Variants in GRIA2 observed in about 807,000 individuals in gnomAD.
GRIA2 encodes glutamate receptor 2.
GRIA2 carries 14 observed loss-of-function variants against 97.3 expected under a neutral mutation model. The ratio of observed to expected loss-of-function variants is 0.14; its 90% CI spans 0.10 to 0.23. The LOEUF (loss-of-function observed/expected upper bound fraction) is 0.23, where lower values mean the gene tolerates loss of function less well. Among genes scored for constraint, GRIA2 ranks in the 10% least tolerant of loss-of-function variants. The pLI, the probability that GRIA2 is intolerant of heterozygous loss-of-function variation, is 1.00. For synonymous variants in GRIA2, 412 were observed against 387.8 expected (o/e 1.06, Z -0.73); for missense variants, 558 against 1,069.8 (o/e 0.52, Z 6.67).
At chr4:157,318,246 T>C (rs1398829729) in intron 5 of GRIA2, among the ~76,000 whole-genome samples, 1 of 152,196 alleles carries the variant, frequency 6.6e-6, no homozygotes, top group Non-Finnish European at 1.5e-5. Context: ...CTATTTTTTA[T>C]AAACTCTGCC....
At chr4:157,254,173 T>C (rs1326407061) in intron 2 of GRIA2, among the ~76,000 whole-genome samples, 2 of 151,792 alleles carry the variant, frequency 1.3e-5, no homozygotes, top group Non-Finnish European at 2.9e-5. Flanking sequence ...AGGGTGGGAG[T>C]TATATTAATC....
chr4:157,304,889 T>G (rs1733771503), intron 3 of GRIA2, among the ~76,000 whole-genome samples: 1 of 152,114 alleles, frequency 6.6e-6, no homozygotes, highest in Non-Finnish European at 1.5e-5. Context: ...TGTCTGATTC[T>G]CTGCCCTGTC....
intron 2 of GRIA2, among the ~76,000 whole-genome samples, chr4:157,299,404 G>A (rs1360646824): frequency 6.6e-6 from 1 of 152,094 alleles, no homozygotes; most frequent in Non-Finnish European, 1.5e-5. Context: ...CTGCAAAGAG[G>A]TTGTTGCCAT....
chr4:157,250,129 G>A (rs1730957826), intron 2 of GRIA2, among the ~76,000 whole-genome samples: 1 of 151,896 alleles, frequency 6.6e-6, no homozygotes, highest in Non-Finnish European at 1.5e-5. Context: ...CTTTTTTGTT[G>A]ATAGATATTT....
intron 5 of GRIA2, among the ~76,000 whole-genome samples, chr4:157,318,502 T>A (rs1237964600): frequency 6.6e-6 from 1 of 152,194 alleles, no homozygotes; most frequent in African/African-American, 2.4e-5. Context: ...TGGGTTTGTG[T>A]TTTCTCTGGG....
At chr4:157,259,868 A>G (rs1338561822) in intron 2 of GRIA2, among the ~76,000 whole-genome samples, 5 of 152,088 alleles carry the variant, frequency 3.3e-5, no homozygotes, top group African/African-American at 1.2e-4. Flanking sequence ...TATGATACTT[A>G]ACTAGATTAG....
chr4:157,328,557 G>A (rs772272877), intron 6 of GRIA2, among the ~76,000 whole-genome samples: 13 of 152,012 alleles, frequency 8.6e-5, no homozygotes, highest in Non-Finnish European at 1.9e-4. Context: ...GGAGAGGGAT[G>A]TGTTCAACCA....
At chr4:157,300,075 G>A (rs1053423350) in intron 2 of GRIA2, among the ~76,000 whole-genome samples, 19 of 151,688 alleles carry the variant, frequency 1.3e-4, no homozygotes, top group African/African-American at 3.6e-4. Flanking sequence ...TTTATGACAC[G>A]TTATTTCTGA....
rs550170703 is a variant in GRIA2, at chr4:157,362,996, T to G, written c.2604T>G (p.Thr868=). The change falls in exon 15 of 16, where the codon ACT becomes ACG. Residue 868 remains threonine, a synonymous_variant. Transcript: ENST00000264426. The stretch of plus-strand genomic sequence containing the variant: ...CGCAGAATTCACAGAATTTTGCAAC[T>G]TATAAGGAAGGTTACAACGTATATG... ...SSSQNSQNFA[T]YKEGYNVYGI... is the part of the protein sequence containing the mutation. The G allele has an allele frequency of 6.2e-7, 1 of 1,613,396 alleles. No homozygotes were observed. The highest frequency in any genetic ancestry group is 1.1e-5 in the South Asian group (1 of 91,062).
At chr4:157,335,455 A>T (rs1287735690) in intron 9 of GRIA2, 1 of 549,664 alleles carries the variant, frequency 1.8e-6, no homozygotes, top group East Asian at 3.1e-5. Context: ...ATGCTTGCAT[A>T]CAAGCCGTCT....
intron 2 of GRIA2, among the ~76,000 whole-genome samples, chr4:157,275,762 G>T (rs1436908917): frequency 6.6e-6 from 1 of 151,970 alleles, no homozygotes; most frequent in Non-Finnish European, 1.5e-5. Flanking sequence ...TGCTGTTTTT[G>T]TTACTGTAGC....
intron 2 of GRIA2, among the ~76,000 whole-genome samples, chr4:157,296,403 G>A (rs1053353415): frequency 4.6e-5 from 7 of 152,032 alleles, no homozygotes; most frequent in African/African-American, 1.7e-4. Context: ...CTGATTGTAT[G>A]TTCATTTGAC....
At chr4:157,299,042 G>A (rs981489497) in intron 2 of GRIA2, among the ~76,000 whole-genome samples, 28 of 151,924 alleles carry the variant, frequency 1.8e-4, no homozygotes, top group Non-Finnish European at 3.5e-4. Context: ...TAATTAGAGC[G>A]ACAGGAAAAG....
rs139577795 is a variant in GRIA2, at chr4:157,333,738, G to T, written c.1156-272G>T. Among the ~76,000 whole-genome samples, 514 of 152,012 alleles carry T rather than the reference G, an allele frequency of 3.4e-3. 11 individuals carry two copies. Among genetic ancestry groups the T allele is most frequent in the Admixed American group, 0.029 (438 of 15,224 alleles). ...GTTTAGGCTAAAATGTCATTATTTG[G>T]ATTTTAATTACATTTCTATATGACC... On this transcript the variant is annotated intron_variant, in intron 8 of 15. Coordinates refer to ENST00000264426, the MANE Select transcript of GRIA2 (RefSeq NM_001083619.3).
At chr4:157,312,963 T>C (rs1481268372) in intron 4 of GRIA2, 88 bp downstream of exon 4, 2 of 700,408 alleles carry the variant, frequency 2.9e-6, no homozygotes, top group Non-Finnish European at 4.6e-6. Context: ...GTAAGGTGCT[T>C]GAACAGCAGT....
chr4:157,242,788 A>G (rs893667665), intron 2 of GRIA2, among the ~76,000 whole-genome samples: 2 of 152,096 alleles, frequency 1.3e-5, no homozygotes, highest in Non-Finnish European at 2.9e-5. Flanking sequence ...CTTATTTCAT[A>G]TATATTGTTT....
intron 2 of GRIA2, among the ~76,000 whole-genome samples, chr4:157,246,438 A>T (rs559289398): frequency 6.6e-6 from 1 of 152,132 alleles, no homozygotes; most frequent in East Asian, 1.9e-4. Flanking sequence ...ATTTACTCAC[A>T]TGAAAAAATG....
chr4:157,261,787 G>A (rs1197482640), intron 2 of GRIA2, among the ~76,000 whole-genome samples: 2 of 151,968 alleles, frequency 1.3e-5, no homozygotes, highest in South Asian at 2.1e-4. Flanking sequence ...TTGAAAATAT[G>A]TGTCTTTTCT....
chr4:157,285,080 T>G (rs912489018), intron 2 of GRIA2, among the ~76,000 whole-genome samples: 3 of 151,700 alleles, frequency 2.0e-5, no homozygotes, highest in Non-Finnish European at 3.0e-5. Context: ...TTATTAATTC[T>G]TGGTATCAGA....
Sources: allele counts gnomAD v4.1 joint callset (sites outside exome capture counted in the v4.1 genomes callset), GRCh38; gene constraint gnomAD v4.1.1; transcripts MANE v1.5; gene names NCBI Gene and HGNC (gene_info 2026-07-23, HGNC 2026-07-21).